The following GXYLT1 variants were observed in gnomAD, a reference collection of about 807,000 sequenced individuals.
GXYLT1 encodes glucoside xylosyltransferase 1, also known as glycosyltransferase 8 domain containing 3.
GXYLT1 carries 29 observed loss-of-function variants against 54.0 expected under a neutral mutation model. The observed-to-expected ratio is 0.54, with a 90% CI of 0.40 to 0.73. The LOEUF is 0.73. GXYLT1 is among the 30% of genes least tolerant of loss of function. The pLI is 0.00. For missense variants in GXYLT1, 490 were observed against 553.4 expected (o/e 0.89, Z 1.15); for synonymous variants, 176 against 204.1 (o/e 0.86, Z 1.17).
chr12:42,137,390 C>A (rs946026849), intron 1 of GXYLT1, among the ~76,000 whole-genome samples: 1 of 151,690 alleles, frequency 6.6e-6, no homozygotes, highest in African/African-American at 2.4e-5. Flanking sequence ...CACCTGTACT[C>A]CCAGCTACTT....
chr12:42,118,271 A>G (rs2065508916), intron 3 of GXYLT1, among the ~76,000 whole-genome samples: 1 of 152,214 alleles, frequency 6.6e-6, no homozygotes, highest in African/African-American at 2.4e-5. Context: ...CTCTCCTCTC[A>G]AAACAGGATT....
At chr12:42,132,251 A>C (rs1301017069) in intron 1 of GXYLT1, among the ~76,000 whole-genome samples, 1 of 152,120 alleles carries the variant, frequency 6.6e-6, no homozygotes, top group East Asian at 1.9e-4. Context: ...GTGGCCTAAA[A>C]AGCTGAATTT....
At chr12:42,115,311 C>T (rs1263656458) in intron 3 of GXYLT1, among the ~76,000 whole-genome samples, 8 of 152,152 alleles carry the variant, frequency 5.3e-5, no homozygotes, top group East Asian at 1.9e-4. Flanking sequence ...AAATAAAGGG[C>T]ATTCAATTAG....
chr12:42,098,758 A>AAAATATATATAT (rs1565567111), intron 5 of GXYLT1, among the ~76,000 whole-genome samples: 1 of 17,770 alleles, frequency 5.6e-5, no homozygotes, highest in African/African-American at 2.0e-4. Flanking sequence ...TTAAATTTAA[A>AAAATATATATAT]ACATATATAT....
At chr12:42,111,786 T>C (rs899241245) in intron 3 of GXYLT1, among the ~76,000 whole-genome samples, 1 of 151,990 alleles carries the variant, frequency 6.6e-6, no homozygotes, top group Non-Finnish European at 1.5e-5. Context: ...TTGAAGAGAG[T>C]AGTGGTTCTC....
intron 7 of GXYLT1, among the ~76,000 whole-genome samples, chr12:42,095,032 T>C (rs1000633981): frequency 3.3e-5 from 5 of 152,082 alleles, no homozygotes; most frequent in African/African-American, 1.2e-4. Context: ...TATAAAAATA[T>C]TTCATAAATA....
chr12:42,128,407 A>G (rs1345540478), intron 2 of GXYLT1, among the ~76,000 whole-genome samples: 2 of 152,200 alleles, frequency 1.3e-5, no homozygotes, highest in African/African-American at 4.8e-5. Context: ...TTTTTAATTA[A>G]AAGTTTTTAA....
At chr12:42,118,256 G>T (rs2065508753) in intron 3 of GXYLT1, among the ~76,000 whole-genome samples, 1 of 152,082 alleles carries the variant, frequency 6.6e-6, no homozygotes, top group South Asian at 2.1e-4. Context: ...TATTAATCAA[G>T]AATTCTCTCC....
intron 2 of GXYLT1, among the ~76,000 whole-genome samples, chr12:42,121,081 A>C (rs1244979911): frequency 6.6e-6 from 1 of 152,216 alleles, no homozygotes; most frequent in Non-Finnish European, 1.5e-5. Context: ...AAACTAGGCA[A>C]TCAAGACATG....
At chr12:42,108,202 A>T (rs1269701922) in intron 4 of GXYLT1, among the ~76,000 whole-genome samples, 1 of 152,238 alleles carries the variant, frequency 6.6e-6, no homozygotes, top group African/African-American at 2.4e-5. Flanking sequence ...TCATGTAACA[A>T]CATCAACAAT....
At chr12:42,144,322 G>A (rs2065667843) in intron 1 of GXYLT1, 104 bp downstream of exon 1, 1 of 674,978 alleles carries the variant, frequency 1.5e-6, no homozygotes, top group Non-Finnish European at 2.1e-6. Flanking sequence ...CAGGAGGAAA[G>A]ACGCGGGAGA....
chr12:42,098,955 T>C lies in GXYLT1; in HGVS notation c.865-922A>G, dbSNP rs900492217. Among the ~76,000 whole-genome samples the C allele has an allele frequency of 9.9e-5, 15 of 151,932 alleles. No individual in the cohort carries two copies. In the East Asian group the frequency reaches 2.7e-3, roughly 27 times the overall value. ...CTGTAAAGAGGCACCATGAATGACATATAAAGTCAAAGAAGATTTGCTGAG... is the reference window on the plus strand; with the variant it reads ...CTGTAAAGAGGCACCATGAATGACACATAAAGTCAAAGAAGATTTGCTGAG... On this transcript the variant is annotated intron_variant, in intron 5 of 7. Coordinates refer to ENST00000398675, the MANE Select transcript of GXYLT1 (RefSeq NM_173601.2).
In GXYLT1 at chr12:42,083,029, T is replaced by C. The variant is rs1189048857; in HGVS notation, c.*4757A>G. ...TATCTTTTCAAAGTCCCATTAAACA[T>C]CTGAAATTATTGGTAGAAATGAGGT... On this transcript the variant is annotated 3_prime_UTR_variant, in exon 8 of 8. Transcript: ENST00000398675. The C allele has an allele frequency of 6.6e-6, 1 of 152,224 alleles. No homozygotes were observed. Among genetic ancestry groups the C allele is most frequent in the Non-Finnish European group, 1.5e-5 (1 of 68,038 alleles). The allele number at this position is 152,224 out of a possible 1,614,324, so 9.4% of individuals were successfully genotyped here.
intron 3 of GXYLT1, among the ~76,000 whole-genome samples, chr12:42,116,591 C>A (rs145423971): frequency 6.6e-6 from 1 of 152,136 alleles, no homozygotes; most frequent in South Asian, 2.1e-4. Flanking sequence ...CCATCTCACA[C>A]CAGTTAGAAT....
At chr12:42,137,793 T>C (rs1239427555) in intron 1 of GXYLT1, among the ~76,000 whole-genome samples, 2 of 147,514 alleles carry the variant, frequency 1.4e-5, no homozygotes, top group African/African-American at 2.5e-5. Flanking sequence ...GTGATAAATT[T>C]AGGCATATTC....
intron 1 of GXYLT1, among the ~76,000 whole-genome samples, chr12:42,133,109 C>T (rs981439537): frequency 3.3e-5 from 5 of 151,964 alleles, no homozygotes; most frequent in Admixed American, 2.6e-4. Flanking sequence ...ATGGTGAAGC[C>T]CCATCTCTAA....
chr12:42,107,642 G>C (rs538128815), intron 4 of GXYLT1, among the ~76,000 whole-genome samples: 1 of 152,160 alleles, frequency 6.6e-6, no homozygotes, highest in Admixed American at 6.5e-5. Context: ...AGTGAGCCAA[G>C]ACTGCGCCAG....
intron 7 of GXYLT1, among the ~76,000 whole-genome samples, chr12:42,090,637 AAAG>A (rs1014955672): frequency 6.6e-6 from 1 of 152,216 alleles, no homozygotes; most frequent in African/African-American, 2.4e-5. Context: ...AGGTATTTTC[AAAG>A]AATAGTACAT....
Position 42,136,644 on chromosome 12 carries a change from C to T in GXYLT1, c.222-6793G>A, listed in dbSNP as rs537046308. Among the ~76,000 whole-genome samples the T allele has an allele frequency of 5.9e-5, 9 of 152,164 alleles. No homozygotes were observed. In the South Asian group the frequency reaches 1.7e-3, roughly 28 times the overall value. On this transcript the variant is annotated intron_variant, in intron 1 of 7. Transcript: ENST00000398675. The stretch of plus-strand genomic sequence containing the variant: ...GATGAAACAATTCTGTATCCTAATC[C>T]TAATTTTGGGGGTGGTTACATGTAT...
Sources: allele counts gnomAD v4.1 joint callset (sites outside exome capture counted in the v4.1 genomes callset), GRCh38; gene constraint gnomAD v4.1.1; transcripts MANE v1.5; gene names NCBI Gene and HGNC (gene_info 2026-07-23, HGNC 2026-07-21).